CDH15: variants seen among roughly 807,000 people sequenced by gnomAD.
The protein encoded by CDH15 is cadherin 15.
Under a neutral mutation model 69.4 loss-of-function variants are expected in CDH15, and 73 were observed. The observed-to-expected ratio is 1.05, with a 90% confidence interval of 0.87 to 1.28. The LOEUF (loss-of-function observed/expected upper bound fraction) is 1.28, where lower values mean the gene tolerates loss of function less well. Among genes scored for constraint, CDH15 ranks in the 50% most tolerant of loss-of-function variants. CDH15 has a pLI of 0.00. For synonymous variants in CDH15, 624 were observed against 507.7 expected, an observed-to-expected ratio of 1.23 and a Z score of -3.08; for missense variants, 1,343 against 1,133.6, an observed-to-expected ratio of 1.18 and a Z score of -2.65.
chr16:89,194,757 T>C (rs565391558), intron 13 of CDH15, 105 bp from the exon 14 acceptor site: 77 of 1,189,490 alleles, frequency 6.5e-5, no homozygotes, highest in Non-Finnish European at 4.8e-6. Context: ...AGCTTCCCCT[T>C]CCTGAGCCCG....
At position 89,179,568 on chromosome 16, in the gene CDH15, G is replaced by A. The variant is rs758241952; in HGVS notation, c.195G>A (p.Leu65=). ...SENHKRLPYP[L]VQIKSDKQQL... ...ACCACAAGCGTCTCCCCTACCCCCTGGTTCAGGTGAGCAGGTGGAGGGGGC... is the reference window on the plus strand; with the variant it reads ...ACCACAAGCGTCTCCCCTACCCCCTAGTTCAGGTGAGCAGGTGGAGGGGGC... Residue 65 remains leucine, a synonymous_variant, in exon 2 of 14, where the codon CTG becomes CTA. Coordinates refer to ENST00000289746, the MANE Select transcript of CDH15 (RefSeq NM_004933.3). The A allele has an allele frequency of 1.9e-6, 3 of 1,587,474 alleles. No individual in the cohort carries two copies. The African/African-American group carries it at 4.1e-5, about 21-fold the overall frequency.
chr16:89,191,133 A>G, intron 8 of CDH15, among the ~76,000 whole-genome samples, 197 bp from the exon 9 acceptor site: 1 of 151,374 alleles, frequency 6.6e-6, no homozygotes, highest in South Asian at 2.1e-4. Flanking sequence ...ATGCCCATGT[A>G]TGTGTATGTG....
intron 10 of CDH15, 137 bp from the exon 11 acceptor site, chr16:89,192,068 T>G (rs1054246200): frequency 7.9e-7 from 1 of 1,261,730 alleles, no homozygotes; most frequent in South Asian, 1.5e-5. Flanking sequence ...GGTTACTCAT[T>G]GTGCCCAGAG....
At chr16:89,188,484 C>T (rs1394413150) in intron 7 of CDH15, among the ~76,000 whole-genome samples, 199 bp downstream of exon 7, 2 of 123,622 alleles carry the variant, frequency 1.6e-5, no homozygotes, top group Non-Finnish European at 3.5e-5. Flanking sequence ...ACACAGATGC[C>T]GGCACACACA....
rs147403624 is a variant in CDH15 at position 89,195,325 on chromosome 16, G to C, written c.*170G>C. Reference sequence around the variant, plus strand: ...ACCTGAGTGTGGATGGGGCGGCCAGGAAGAGGCCCCTTCCTGCCGGGGTGG... The same window carrying C: ...ACCTGAGTGTGGATGGGGCGGCCAGCAAGAGGCCCCTTCCTGCCGGGGTGG... On this transcript the variant is annotated 3_prime_UTR_variant, in exon 14 of 14. Transcript: ENST00000289746. 1,651 of 680,026 alleles carry C rather than the reference G, an allele frequency of 2.4e-3. 19 individuals are homozygous for C. The African/African-American group carries it at 0.025, about 10-fold the overall frequency. The allele number at this position is 680,026 out of a possible 1,614,324, so 42.1% of individuals were successfully genotyped here.
At chr16:89,189,086 C>T (rs1158756314) in intron 7 of CDH15, among the ~76,000 whole-genome samples, 4 of 150,506 alleles carry the variant, frequency 2.7e-5, no homozygotes, top group Non-Finnish European at 4.4e-5. Context: ...GATGCCCACA[C>T]ACAGATGCCC....
At chr16:89,176,891 T>G (rs917315110) in intron 1 of CDH15, among the ~76,000 whole-genome samples, 3 of 152,048 alleles carry the variant, frequency 2.0e-5, no homozygotes, top group Non-Finnish European at 4.4e-5. Flanking sequence ...CCCGTCCCCC[T>G]GCCCGACATG....
intron 7 of CDH15, 53 bp downstream of exon 7, chr16:89,188,338 A>G: frequency 6.8e-7 from 1 of 1,473,970 alleles, no homozygotes; most frequent in Admixed American, 1.8e-5. Flanking sequence ...ATGCCGACAC[A>G]CACAGATGCC....
rs192711536 is a variant in CDH15, at chr16:89,178,139, C to T, written c.43-1277C>T. On this transcript the variant is annotated intron_variant, in intron 1 of 13. Transcript: ENST00000289746. ...TCCCTTCTCTAGGCCTCAGTTTCCC[C>T]ATCTGAGGGGTGGGTGTGGGGCTAT... 5.6e-4 allele frequency among the ~76,000 whole-genome samples: 85 copies of T among 152,332 alleles called. 2 individuals carry two copies. Among genetic ancestry groups the T allele is most frequent in the South Asian group, 2.9e-3 (14 of 4,828 alleles).
intron 7 of CDH15, among the ~76,000 whole-genome samples, chr16:89,189,490 G>A (rs1183208550): frequency 6.6e-6 from 1 of 152,264 alleles, no homozygotes; most frequent in Non-Finnish European, 1.5e-5. Context: ...TTCGTCCTTG[G>A]GTGAGAGAGA....
At chr16:89,179,851 G>A (rs1039003288) in intron 2 of CDH15, among the ~76,000 whole-genome samples, 4 of 152,242 alleles carry the variant, frequency 2.6e-5, no homozygotes, top group Non-Finnish European at 5.9e-5. Flanking sequence ...TGCACGCTCG[G>A]GCGTGATTTT....
At chr16:89,191,951 T>C in intron 10 of CDH15, 57 bp downstream of exon 10, 3 of 1,438,276 alleles carry the variant, frequency 2.1e-6, no homozygotes, top group Non-Finnish European at 2.8e-6. Flanking sequence ...CACCCCCACA[T>C]TCCGGCCTCG....
In CDH15 at chr16:89,193,501, G is replaced by T. The variant is rs1319959740; in HGVS notation, c.1887G>T (p.Arg629=). 1.2e-6 allele frequency: 2 copies of T among 1,611,954 alleles called. No individual in the cohort carries two copies. The highest frequency in any genetic ancestry group is 1.7e-5 in the Admixed American group (1 of 59,970). ...VLVLLVALRA[R]FWKQSRGKGL... Reference sequence around the variant, plus strand: ...TCCTGCTCGTGGCACTCCGGGCGCGGTTCTGGAAGCAGTCTCGGGGCAAGG... The same window carrying T: ...TCCTGCTCGTGGCACTCCGGGCGCGTTTCTGGAAGCAGTCTCGGGGCAAGG... Residue 629 remains arginine (R), a synonymous_variant, in exon 12 of 14, where the codon CGG becomes CGT. Transcript: ENST00000289746.
At chr16:89,179,869 G>A (rs1168967686) in intron 2 of CDH15, among the ~76,000 whole-genome samples, 2 of 152,240 alleles carry the variant, frequency 1.3e-5, no homozygotes, top group Non-Finnish European at 2.9e-5. Context: ...TTTTGTGTGC[G>A]TGTTCGCCGA....
At chr16:89,194,752 C>T (rs1344000418) in intron 13 of CDH15, 110 bp from the exon 14 acceptor site, 4 of 1,115,434 alleles carry the variant, frequency 3.6e-6, no homozygotes, top group South Asian at 1.3e-5. Context: ...TGGGCAGCTT[C>T]CCCTTCCTGA....
intron 3 of CDH15, chr16:89,182,966 AG>A (rs886797287): frequency 9.7e-5 from 15 of 153,868 alleles, no homozygotes; most frequent in African/African-American, 3.4e-4. Flanking sequence ...GTATCACCTG[AG>A]GTCAGGAGTT....
At chr16:89,173,183 C>A (rs1328155657) in intron 1 of CDH15, among the ~76,000 whole-genome samples, 1 of 152,210 alleles carries the variant, frequency 6.6e-6, no homozygotes, top group Non-Finnish European at 1.5e-5. Flanking sequence ...CCCTCCACCC[C>A]TCAGCCCTCT....
Position 89,180,279 on chromosome 16 carries a change from T to C in CDH15, c.281T>C (p.Val94Ala), listed in dbSNP as rs1346982793. The C allele has an allele frequency of 6.2e-7, 1 of 1,610,968 alleles. No homozygotes were observed. ...GPGVDEEPRGVFSIDKFTGKV... is the reference protein window; with the variant it reads ...GPGVDEEPRGAFSIDKFTGKV... ...GGCGTGGATGAGGAGCCCCGGGGCG[T>C]CTTCTCTATCGACAAGTTCACAGGG... Residue 94 changes from valine to alanine, a missense_variant, in exon 3 of 14, where the codon GTC becomes GCC. Coordinates refer to ENST00000289746, the MANE Select transcript of CDH15 (RefSeq NM_004933.3).
chr16:89,192,346 G>T lies in CDH15; in HGVS notation c.1757G>T (p.Gly586Val), dbSNP rs1339326233. The T allele has an allele frequency of 6.5e-7, 1 of 1,536,004 alleles. No homozygotes were observed. The highest frequency in any genetic ancestry group is 8.7e-7 in the Non-Finnish European group (1 of 1,147,398). ...NVTVCRCGKDGVCLPGAAALL... is the reference protein window; with the variant it reads ...NVTVCRCGKDVVCLPGAAALL... ...ACCGTGTGCCGCTGCGGCAAGGACG[G>T]CGTCTGCCTGCCGGGGGCCGCAGCG... Residue 586 changes from glycine (G) to valine (V), a missense_variant, in exon 11 of 14, where the codon GGC (glycine) becomes GTC (valine). By Grantham distance (109) the Gly-to-Val change is moderately radical. Transcript: ENST00000289746.
Sources: allele counts gnomAD v4.1 joint callset (sites outside exome capture counted in the v4.1 genomes callset), GRCh38; gene constraint gnomAD v4.1.1; transcripts MANE v1.5; gene names NCBI Gene and HGNC (gene_info 2026-07-23, HGNC 2026-07-21).